Variants in SUPT20H observed in about 807,000 individuals in gnomAD.
The protein encoded by SUPT20H is transcription factor SPT20 homolog.
SUPT20H carries 82 observed loss-of-function variants against 122.8 expected under a neutral mutation model. That is an observed-to-expected ratio of 0.67 (90% CI 0.56 to 0.80). The LOEUF is 0.80. Among genes scored for constraint, SUPT20H ranks in the 30% least tolerant of loss-of-function variants. The probability of loss-of-function intolerance (pLI) is 0.00; values close to 1 mark genes in which losing one functional copy is unlikely to be tolerated. For synonymous variants in SUPT20H, 291 were observed against 313.0 expected (o/e 0.93, Z 0.74); for missense variants, 831 against 921.6 (o/e 0.90, Z 1.27).
intron 10 of SUPT20H, among the ~76,000 whole-genome samples, chr13:37,032,151 T>C (rs933130715): frequency 3.9e-5 from 6 of 151,928 alleles, no homozygotes; most frequent in Non-Finnish European, 8.8e-5. Context: ...ATTTCAGATT[T>C]CAGACACCAA....
intron 12 of SUPT20H, among the ~76,000 whole-genome samples, chr13:37,030,665 C>T (rs2063134983): frequency 6.6e-6 from 1 of 152,156 alleles, no homozygotes; most frequent in African/African-American, 2.4e-5. Context: ...TAGCAACCTA[C>T]AATTTAACAA....
At chr13:37,012,496 T>C in intron 23 of SUPT20H, 199 bp from the exon 24 acceptor site, 1 of 429,828 alleles carries the variant, frequency 2.3e-6, no homozygotes, top group Admixed American at 3.8e-5. Context: ...AAAACTTCAT[T>C]TTTCAGTGCA....
Position 37,009,434 on chromosome 13 carries a change from A to G in SUPT20H, c.*238T>C. ...CTATTATTTCTTAGGTCACTTCCAT[A>G]TATATTATGTATAGTGAAACCATTT... On this transcript the variant is annotated 3_prime_UTR_variant, in exon 26 of 26. Transcript: ENST00000350612. 1 of 733,946 alleles carries G rather than the reference A, an allele frequency of 1.4e-6. No individual in the cohort carries two copies. Among genetic ancestry groups the G allele is most frequent in the Non-Finnish European group, 2.3e-6 (1 of 443,240 alleles). The allele number at this position is 733,946 out of a possible 1,614,324, so 45.5% of individuals were successfully genotyped here. A position where few individuals can be genotyped will look rare whatever the true frequency, so the allele number is the denominator to read the frequency against.
In SUPT20H at chr13:37,022,287, G is replaced by A. The variant is rs2061552696; in HGVS notation, c.1592-207C>T. ...GTGTGGGGTCGATGAAGGGGTTGGT[G>A]TAGGAGTAGATGGCTTAGGAGTTCC... On this transcript the variant is annotated intron_variant, in intron 19 of 25. Transcript: ENST00000350612. This position sits in a 1 kb window ranked among gnomAD's most constrained non-coding sequence, Gnocchi z 4.5. 2 of 1,453,760 alleles carry A rather than the reference G, an allele frequency of 1.4e-6. No homozygotes were observed. Among genetic ancestry groups the A allele is most frequent in the East Asian group, 2.5e-5 (1 of 39,242 alleles). The allele number at this position is 1,453,760 out of a possible 1,614,324, so 90.1% of individuals were successfully genotyped here.
chr13:37,049,532 G>A (rs1205212010), intron 2 of SUPT20H, among the ~76,000 whole-genome samples: 1 of 152,124 alleles, frequency 6.6e-6, no homozygotes, highest in African/African-American at 2.4e-5. Context: ...CTGAGGTAAG[G>A]AGTTCAAGAT....
intron 4 of SUPT20H, 103 bp from the exon 5 acceptor site, chr13:37,047,704 A>G (rs962055745): frequency 1.6e-6 from 2 of 1,241,876 alleles, no homozygotes; most frequent in Non-Finnish European, 2.1e-6. Context: ...TTTTGCCTCA[A>G]TTTCCCAAAA....
chr13:37,045,711 C>T (rs1376743168), intron 5 of SUPT20H, among the ~76,000 whole-genome samples: 1 of 152,052 alleles, frequency 6.6e-6, no homozygotes, highest in East Asian at 1.9e-4. Flanking sequence ...CCATTAAATG[C>T]AAATATATAA....
rs1262240475 is a variant in SUPT20H at position 37,051,569 on chromosome 13, A to G, written c.-79T>C. 10 of 1,383,674 alleles carry G rather than the reference A, an allele frequency of 7.2e-6. No individual in the cohort carries two copies. Among genetic ancestry groups the G allele is most frequent in the Non-Finnish European group, 1.0e-5 (10 of 983,264 alleles). 85.7% of individuals were successfully genotyped at this position (1,383,674 alleles called of 1,614,324 possible). A position where few individuals can be genotyped will look rare whatever the true frequency, so the allele number is the denominator to read the frequency against. ...GTGGGGTGAACACCATGCCTTTAAC[A>G]TCAATCTTACAGTACTGAAAAGCAA... On this transcript the variant is annotated 5_prime_UTR_variant, in exon 2 of 26. An upstream start codon of the reference 5' UTR is lost. Coordinates refer to ENST00000350612, the MANE Select transcript of SUPT20H (RefSeq NM_001014286.3).
intron 23 of SUPT20H, among the ~76,000 whole-genome samples, chr13:37,014,099 T>G (rs902331101): frequency 4.6e-5 from 7 of 151,302 alleles, no homozygotes; most frequent in African/African-American, 1.7e-4. Context: ...AGGCTAAAAC[T>G]AAAAGGATGA....
chr13:37,052,433 C>G (rs1421132187), intron 1 of SUPT20H, among the ~76,000 whole-genome samples: 1 of 152,150 alleles, frequency 6.6e-6, no homozygotes, highest in Non-Finnish European at 1.5e-5. Flanking sequence ...AGAGGATTCC[C>G]TATCTAATAA....
chr13:37,012,352 G>A, intron 23 of SUPT20H, 55 bp from the exon 24 acceptor site: 2 of 1,413,716 alleles, frequency 1.4e-6, no homozygotes, highest in Admixed American at 1.8e-5. Flanking sequence ...AATTTGAGCT[G>A]GTGAAAAGAA....
intron 16 of SUPT20H, 124 bp from the exon 17 acceptor site, chr13:37,025,561 T>C: frequency 1.6e-6 from 1 of 635,698 alleles, no homozygotes; most frequent in Admixed American, 3.2e-5. Flanking sequence ...AACATAAATA[T>C]TAAAAATTAG....
At chr13:37,041,216 T>C (rs1015147095) in intron 7 of SUPT20H, among the ~76,000 whole-genome samples, 2 of 152,186 alleles carry the variant, frequency 1.3e-5, no homozygotes, top group Non-Finnish European at 2.9e-5. Flanking sequence ...AATATAAAAT[T>C]CAAATGAAAA....
At chr13:37,037,197 A>G (rs2064623144) in intron 9 of SUPT20H, among the ~76,000 whole-genome samples, 1 of 151,330 alleles carries the variant, frequency 6.6e-6, no homozygotes, top group African/African-American at 2.4e-5. Flanking sequence ...TCTGCCTCAA[A>G]AAAAAAAAAA....
At chr13:37,017,196 A>C (rs781434564) in intron 23 of SUPT20H, 49 bp downstream of exon 23, 5 of 1,612,738 alleles carry the variant, frequency 3.1e-6, no homozygotes, top group African/African-American at 2.7e-5. Context: ...ATACCAAAAA[A>C]TGTTATAAAT....
intron 17 of SUPT20H, chr13:37,024,980 TGCC>T (rs1214779371): frequency 4.3e-6 from 1 of 234,992 alleles, no homozygotes; most frequent in Non-Finnish European, 8.5e-6. Context: ...CTTGCTCTGT[TGCC>T]CAGGCTGGAG....
intron 25 of SUPT20H, 112 bp from the exon 26 acceptor site, chr13:37,009,921 T>A: frequency 1.4e-6 from 2 of 1,437,974 alleles, no homozygotes; most frequent in Admixed American, 2.6e-5. Flanking sequence ...AGCACCAAGA[T>A]AACAAAAAGG....
At chr13:37,031,243 AAG>A (rs1348707108) in intron 12 of SUPT20H, among the ~76,000 whole-genome samples, 2 of 152,096 alleles carry the variant, frequency 1.3e-5, no homozygotes, top group African/African-American at 2.4e-5. Flanking sequence ...TTATCAAAAA[AAG>A]AGAGATTTCA....
intron 1 of SUPT20H, among the ~76,000 whole-genome samples, chr13:37,052,086 T>C (rs2067856140): frequency 6.6e-6 from 1 of 152,184 alleles, no homozygotes; most frequent in African/African-American, 2.4e-5. Flanking sequence ...AGAATCAATA[T>C]TGTGAAAATG....
Sources: allele counts gnomAD v4.1 joint callset (sites outside exome capture counted in the v4.1 genomes callset), GRCh38; gene constraint gnomAD v4.1.1; non-coding constraint Gnocchi (gnomAD v3.1); transcripts MANE v1.5; gene names NCBI Gene and HGNC (gene_info 2026-07-23, HGNC 2026-07-21).